The following PTPRT variants were observed in gnomAD, a reference collection of about 807,000 sequenced individuals.
PTPRT encodes protein tyrosine phosphatase receptor type T, also known as receptor-type tyrosine-protein phosphatase T.
Under a neutral mutation model 176.8 loss-of-function variants are expected in PTPRT, and 56 were observed. The ratio of observed to expected loss-of-function variants is 0.32; its 90% CI spans 0.26 to 0.40. The LOEUF (loss-of-function observed/expected upper bound fraction) is 0.40, where lower values mean the gene tolerates loss of function less well. Among genes scored for constraint, PTPRT ranks in the 10% least tolerant of loss-of-function variants. The pLI, the probability that PTPRT is intolerant of heterozygous loss-of-function variation, is 1.00. For missense variants in PTPRT, 1,540 were observed against 1,908.2 expected (o/e 0.81, Z 3.60); for synonymous variants, 783 against 739.0 (o/e 1.06, Z -0.96).
At chr20:42,538,064 T>C (rs1381467346) in intron 7 of PTPRT, among the ~76,000 whole-genome samples, 1 of 152,078 alleles carries the variant, frequency 6.6e-6, no homozygotes, top group Non-Finnish European at 1.5e-5. Flanking sequence ...ATAATATCCC[T>C]ATTAAGTAAG....
At chr20:42,793,727 T>C (rs1396361218) in intron 2 of PTPRT, among the ~76,000 whole-genome samples, 1 of 152,120 alleles carries the variant, frequency 6.6e-6, no homozygotes, top group Admixed American at 6.5e-5. Flanking sequence ...GGGCAGAAAT[T>C]GAGGCTTAGA....
intron 16 of PTPRT, among the ~76,000 whole-genome samples, chr20:42,184,205 C>T (rs546921550): frequency 6.6e-6 from 1 of 152,170 alleles, no homozygotes; most frequent in African/African-American, 2.4e-5. Flanking sequence ...CCTATCCAAA[C>T]TCCTGGCCCA....
At chr20:42,122,348 A>C (rs990645031) in intron 19 of PTPRT, among the ~76,000 whole-genome samples, 17 of 152,182 alleles carry the variant, frequency 1.1e-4, no homozygotes, top group Admixed American at 1.1e-3. Context: ...GTGCCTATCA[A>C]GACTAAAAGT....
intron 1 of PTPRT, among the ~76,000 whole-genome samples, chr20:43,068,361 C>T (rs555969100): frequency 2.0e-5 from 3 of 151,078 alleles, no homozygotes; most frequent in Non-Finnish European, 4.4e-5. Context: ...AAAAATTAGC[C>T]GGGCATGGTG....
chr20:42,566,313 T>G (rs1222493141), intron 7 of PTPRT, among the ~76,000 whole-genome samples: 4 of 152,016 alleles, frequency 2.6e-5, no homozygotes, highest in Non-Finnish European at 5.9e-5. Context: ...TTTTTGTATT[T>G]TTCATAGACA....
At chr20:42,845,068 T>C (rs1378527729) in intron 2 of PTPRT, among the ~76,000 whole-genome samples, 1 of 152,168 alleles carries the variant, frequency 6.6e-6, no homozygotes, top group Non-Finnish European at 1.5e-5. Context: ...AAGATGCCCC[T>C]GTGGGAGAAG....
intron 7 of PTPRT, among the ~76,000 whole-genome samples, chr20:42,657,415 T>C (rs544280561): frequency 6.6e-6 from 1 of 152,292 alleles, no homozygotes; most frequent in East Asian, 1.9e-4. Context: ...AACTTCCTTG[T>C]TTTCCTCCTG....
At chr20:42,163,966 G>A (rs889835662) in intron 16 of PTPRT, among the ~76,000 whole-genome samples, 6 of 152,242 alleles carry the variant, frequency 3.9e-5, no homozygotes, top group African/African-American at 1.4e-4. Context: ...GGTGTGATTG[G>A]AAATGGAGAG....
At chr20:42,901,346 C>T (rs917781880) in intron 1 of PTPRT, among the ~76,000 whole-genome samples, 1 of 152,166 alleles carries the variant, frequency 6.6e-6, no homozygotes, top group Non-Finnish European at 1.5e-5. Context: ...GTGCCTGGCA[C>T]ATAGCAAGCT....
At chr20:42,508,127 T>TGTGTGTGTGTGTGTGTGTGTGTGTGTGTG (rs1555871976) in intron 7 of PTPRT, among the ~76,000 whole-genome samples, 11 of 146,702 alleles carry the variant, frequency 7.5e-5, no homozygotes, top group African/African-American at 2.6e-4. Context: ...ATTACCCTTT[T>TGTGTGTGTGTGTGTGTGTGTGTGTGTGTG]TGTGTGTGTG....
chr20:43,149,071 T>C (rs2014261916), intron 1 of PTPRT, among the ~76,000 whole-genome samples: 1 of 152,230 alleles, frequency 6.6e-6, no homozygotes, highest in African/African-American at 2.4e-5. Flanking sequence ...TGTTTTCTCA[T>C]GTAATTACAT....
intron 9 of PTPRT, among the ~76,000 whole-genome samples, chr20:42,416,111 A>T (rs75042362): frequency 0.027 from 4,039 of 152,276 alleles, 141 homozygotes; most frequent in East Asian, 0.15. Context: ...GGATTTCAAG[A>T]TGAGATCATC....
chr20:42,183,097 C>T lies in PTPRT; in HGVS notation c.2491+16143G>A, dbSNP rs193062834. Among the ~76,000 whole-genome samples, 73 of 152,302 alleles carry T rather than the reference C, an allele frequency of 4.8e-4. 1 individual carries two copies. The highest frequency in any genetic ancestry group is 8.7e-4 in the Non-Finnish European group (59 of 68,024). On this transcript the variant is annotated intron_variant, in intron 16 of 30. Coordinates refer to ENST00000373187, the MANE Select transcript of PTPRT (RefSeq NM_007050.6). ...CAAGATGATCTTTCTAAAACCGACT[C>T]AATCCTTCCTTTCTACTTCTTAAAA...
chr20:42,811,203 A>C (rs1359173867), intron 2 of PTPRT, among the ~76,000 whole-genome samples: 1 of 152,208 alleles, frequency 6.6e-6, no homozygotes, highest in Non-Finnish European at 1.5e-5. Context: ...TTTAAAAAAA[A>C]TCTTAAGTTT....
At chr20:42,704,022 A>G (rs77575294) in intron 6 of PTPRT, among the ~76,000 whole-genome samples, 3,530 of 152,284 alleles carry the variant, frequency 0.023, 52 homozygotes, top group Middle Eastern at 0.071. Flanking sequence ...GTGATAAGGA[A>G]CAAGATGACT....
intron 16 of PTPRT, among the ~76,000 whole-genome samples, chr20:42,171,560 C>T (rs1306034149): frequency 2.0e-5 from 3 of 151,924 alleles, no homozygotes; most frequent in Admixed American, 6.6e-5. Context: ...CAATTTTAAG[C>T]GAATGTGTAT....
chr20:42,616,201 T>C (rs1471891847), intron 7 of PTPRT, among the ~76,000 whole-genome samples: 3 of 124,410 alleles, frequency 2.4e-5, no homozygotes, highest in Admixed American at 1.5e-4. Context: ...GGGAATCCTT[T>C]CCCCATTGCT....
At chr20:42,777,666 A>G (rs929985318) in intron 4 of PTPRT, among the ~76,000 whole-genome samples, 3 of 152,176 alleles carry the variant, frequency 2.0e-5, no homozygotes, top group Non-Finnish European at 4.4e-5. Flanking sequence ...TGTGCCTAGG[A>G]AAGTTCTTAA....
At chr20:42,357,183 T>G (rs1012520862) in intron 9 of PTPRT, among the ~76,000 whole-genome samples, 2 of 152,126 alleles carry the variant, frequency 1.3e-5, no homozygotes, top group African/African-American at 4.8e-5. Context: ...CATCTGTTTT[T>G]GTAAGTAAAG....
Sources: allele counts gnomAD v4.1 joint callset (sites outside exome capture counted in the v4.1 genomes callset), GRCh38; gene constraint gnomAD v4.1.1; transcripts MANE v1.5; gene names NCBI Gene and HGNC (gene_info 2026-07-23, HGNC 2026-07-21).